CEP112: variants seen among roughly 807,000 people sequenced by gnomAD.
CEP112 encodes the protein centrosomal protein of 112 kDa.
Under a neutral mutation model 153.0 loss-of-function variants are expected in CEP112, and 127 were observed. The observed-to-expected ratio is 0.83, with a 90% CI of 0.72 to 0.96. The LOEUF is 0.96. Among genes scored for constraint, CEP112 ranks in the 40% least tolerant of loss-of-function variants. The pLI, the probability that CEP112 is intolerant of heterozygous loss-of-function variation, is 0.00. For missense variants in CEP112, 1,089 were observed against 1,101.2 expected (o/e 0.99, Z 0.16); for synonymous variants, 358 against 374.4 (o/e 0.96, Z 0.51).
At chr17:65,651,062 T>C (rs1392727072) in intron 24 of CEP112, among the ~76,000 whole-genome samples, 1 of 151,922 alleles carries the variant, frequency 6.6e-6, no homozygotes, top group East Asian at 1.9e-4. Flanking sequence ...CTGAACCCAG[T>C]GTATAGTCTT....
intron 23 of CEP112, among the ~76,000 whole-genome samples, chr17:65,702,439 T>C (rs766947389): frequency 4.6e-5 from 7 of 152,200 alleles, no homozygotes; most frequent in Non-Finnish European, 7.3e-5. Context: ...TGGTTTTATT[T>C]TCCACAGTTT....
At chr17:66,092,544 C>T (rs1011256269) in intron 8 of CEP112, among the ~76,000 whole-genome samples, 1 of 151,914 alleles carries the variant, frequency 6.6e-6, no homozygotes, top group Non-Finnish European at 1.5e-5. Context: ...TACACTGACA[C>T]CAAAACTACA....
chr17:65,666,454 C>T (rs895287829), intron 24 of CEP112, among the ~76,000 whole-genome samples: 1 of 152,172 alleles, frequency 6.6e-6, no homozygotes, highest in Non-Finnish European at 1.5e-5. Flanking sequence ...GTTCATTGGT[C>T]CCTTGTGCTG....
At chr17:65,809,885 G>C (rs570330142) in intron 21 of CEP112, among the ~76,000 whole-genome samples, 1 of 152,114 alleles carries the variant, frequency 6.6e-6, no homozygotes, top group Non-Finnish European at 1.5e-5. Flanking sequence ...GTTACTAAAG[G>C]AGATGGAGTA....
intron 17 of CEP112, among the ~76,000 whole-genome samples, chr17:65,989,234 CAAAAA>C (rs749855250): frequency 0.022 from 916 of 40,788 alleles, 25 homozygotes; most frequent in African/African-American, 0.094. Context: ...GACTCCATCT[CAAAAA>C]AAAAAAAAAA....
chr17:66,183,149 GA>G (rs756011898), intron 2 of CEP112, 44 bp downstream of exon 2: 4 of 1,334,992 alleles, frequency 3.0e-6, no homozygotes, highest in African/African-American at 3.0e-5. Flanking sequence ...ATAATATAAA[GA>G]AAAAAATTAA....
At chr17:66,035,320 G>C (rs1344980219) in intron 12 of CEP112, among the ~76,000 whole-genome samples, 1 of 151,958 alleles carries the variant, frequency 6.6e-6, no homozygotes, top group Admixed American at 6.6e-5. Context: ...CTGCACTACT[G>C]GCCAGTCTTT....
intron 13 of CEP112, among the ~76,000 whole-genome samples, 162 bp downstream of exon 13, chr17:66,029,704 AAAT>A (rs1256845782): frequency 1.9e-5 from 1 of 53,140 alleles, no homozygotes; most frequent in African/African-American, 5.6e-5. Flanking sequence ...CCCTGTCTCT[AAAT>A]AAACAAACAA....
chr17:65,929,409 AG>A (rs2061044406), intron 18 of CEP112, among the ~76,000 whole-genome samples: 1 of 152,190 alleles, frequency 6.6e-6, no homozygotes, highest in African/African-American at 2.4e-5. Context: ...CCTTGTGGGC[AG>A]GAGGTTCTGC....
chr17:65,867,215 C>T (rs559860714), intron 20 of CEP112, among the ~76,000 whole-genome samples: 2 of 152,314 alleles, frequency 1.3e-5, no homozygotes, highest in South Asian at 4.1e-4. Flanking sequence ...CTGGAGCTGC[C>T]CGCCCCACCG....
chr17:66,022,696 G>A (rs1223760894), intron 16 of CEP112, among the ~76,000 whole-genome samples: 14 of 112,604 alleles, frequency 1.2e-4, no homozygotes, highest in Non-Finnish European at 2.0e-4. Flanking sequence ...ATGACAGAAC[G>A]AGACTCCGCC....
chr17:65,934,808 G>C (rs1406768824), intron 18 of CEP112, among the ~76,000 whole-genome samples: 1 of 152,192 alleles, frequency 6.6e-6, no homozygotes, highest in Non-Finnish European at 1.5e-5. Context: ...ATGAGACTGG[G>C]CAATTTATGA....
At chr17:65,674,529 G>A (rs919623640) in intron 24 of CEP112, among the ~76,000 whole-genome samples, 3 of 152,152 alleles carry the variant, frequency 2.0e-5, no homozygotes, top group Non-Finnish European at 2.9e-5. Flanking sequence ...TGCAGTCCAG[G>A]GCTCACTCAG....
At chr17:65,844,669 T>C (rs1267438815) in intron 21 of CEP112, among the ~76,000 whole-genome samples, 5 of 136,070 alleles carry the variant, frequency 3.7e-5, no homozygotes, top group Non-Finnish European at 7.8e-5. Context: ...AAAGGAAGAC[T>C]CTATCTCAAA....
At chr17:66,129,307 C>G (rs952505685) in intron 6 of CEP112, among the ~76,000 whole-genome samples, 1 of 152,128 alleles carries the variant, frequency 6.6e-6, no homozygotes, top group African/African-American at 2.4e-5. Flanking sequence ...TCTCCAAATA[C>G]TTTCATGACC....
intron 20 of CEP112, among the ~76,000 whole-genome samples, chr17:65,896,909 T>C (rs4791113): frequency 0.33 from 50,760 of 152,046 alleles, 10,534 homozygotes; most frequent in Middle Eastern, 0.47. Context: ...GTATCTTATT[T>C]TCTTTTTACA....
intron 20 of CEP112, among the ~76,000 whole-genome samples, chr17:65,879,445 C>T (rs2058973522): frequency 6.6e-6 from 1 of 152,174 alleles, no homozygotes; most frequent in Non-Finnish European, 1.5e-5. Flanking sequence ...CACCTTCAGA[C>T]CTGTAAATTA....
intron 21 of CEP112, among the ~76,000 whole-genome samples, chr17:65,757,020 A>T (rs990971700): frequency 3.3e-5 from 5 of 152,176 alleles, no homozygotes; most frequent in African/African-American, 1.2e-4. Context: ...GCCCTACTCC[A>T]ACAGGATAGG....
intron 6 of CEP112, among the ~76,000 whole-genome samples, chr17:66,099,504 C>CAAAAAAAAAAAA (rs71160532): frequency 3.5e-5 from 4 of 113,948 alleles, no homozygotes; most frequent in East Asian, 3.3e-4. Flanking sequence ...AACTCTGTCT[C>CAAAAAAAAAAAA]AAAAAAAAAA....
Sources: gnomAD v4.1 joint callset for allele counts (sites outside exome capture counted in the v4.1 genomes callset) on GRCh38, gnomAD v4.1.1 for gene constraint, MANE v1.5 for transcripts, NCBI Gene and HGNC (gene_info 2026-07-23, HGNC 2026-07-21) for gene names.